Variants in RNF144A observed in about 807,000 individuals in gnomAD.
RNF144A encodes the protein E3 ubiquitin-protein ligase RNF144A.
A neutral mutation model predicts 38.7 loss-of-function variants in RNF144A; 11 were observed. That is an observed-to-expected ratio of 0.28 (90% CI 0.18 to 0.47). The LOEUF (loss-of-function observed/expected upper bound fraction) is 0.47. Ranked by LOEUF, RNF144A falls within the 20% of genes least tolerant of loss-of-function variation. The pLI is 0.99. For missense variants in RNF144A, 316 were observed against 377.2 expected, an observed-to-expected ratio of 0.84 and a Z score of 1.34; for synonymous variants, 149 against 143.9, an observed-to-expected ratio of 1.04 and a Z score of -0.25.
At chr2:7,011,972 C>T (rs189792761) in intron 3 of RNF144A, among the ~76,000 whole-genome samples, 1 of 152,316 alleles carries the variant, frequency 6.6e-6, no homozygotes, top group Non-Finnish European at 1.5e-5. Flanking sequence ...GAAACCCAGA[C>T]ATGACTCACT....
intron 3 of RNF144A, among the ~76,000 whole-genome samples, chr2:7,013,169 C>G (rs979083651): frequency 2.6e-5 from 4 of 152,188 alleles, no homozygotes; most frequent in African/African-American, 9.7e-5. Flanking sequence ...AGCATATACT[C>G]TTCTCTGTGT....
At chr2:7,029,907 C>A (rs1324325785) in intron 7 of RNF144A, among the ~76,000 whole-genome samples, 2 of 152,210 alleles carry the variant, frequency 1.3e-5, no homozygotes, top group Non-Finnish European at 2.9e-5. Flanking sequence ...CTGTGCTGTC[C>A]AGGGCTGCTA....
chr2:7,056,417 T>C (rs1673738835), intron 6 of RNF144A, among the ~76,000 whole-genome samples: 1 of 152,188 alleles, frequency 6.6e-6, no homozygotes, highest in African/African-American at 2.4e-5. Flanking sequence ...CTGCCACTTA[T>C]GACTGTTATA....
rs1451390082 is a variant in RNF144A, at chr2:6,919,471, T to C, written c.-212+1849T>C. The stretch of plus-strand genomic sequence containing the variant: ...GGTCAGAAGAGGATAAATCATGAAA[T>C]CTTTGAATTCTAGGCCAAGACTTTG... On this transcript the variant is annotated intron_variant, in intron 1 of 8. Transcript: ENST00000320892. Among the ~76,000 whole-genome samples, 4 of 152,266 alleles carry C rather than the reference T, an allele frequency of 2.6e-5. No homozygotes were observed. The East Asian group carries it at 7.7e-4, about 29-fold the overall frequency.
At chr2:7,074,204 C>T in the RNF144A span, among the ~76,000 whole-genome samples, 1 of 152,162 alleles carries the variant, frequency 6.6e-6, no homozygotes, top group Non-Finnish European at 1.5e-5. Flanking sequence ...AAACAAAAGT[C>T]AGTGGATTTC....
downstream of RNF144A, among the ~76,000 whole-genome samples, chr2:7,070,156 T>TTCTCTC (rs143933026): frequency 0.3 from 45,493 of 151,276 alleles, 7,506 homozygotes; most frequent in East Asian, 0.49. Context: ...GGAGCTTTTC[T>TTCTCTC]TCTCTCTCTC....
intron 6 of RNF144A, among the ~76,000 whole-genome samples, chr2:7,054,366 A>C (rs1673645368): frequency 6.6e-6 from 1 of 152,206 alleles, no homozygotes; most frequent in Non-Finnish European, 1.5e-5. Flanking sequence ...ATACACAGAG[A>C]TATATAATCA....
At chr2:6,976,675 T>C (rs1025447511) in intron 2 of RNF144A, among the ~76,000 whole-genome samples, 3 of 149,690 alleles carry the variant, frequency 2.0e-5, no homozygotes, top group African/African-American at 7.3e-5. Flanking sequence ...ATATAAACTT[T>C]ATATATAATA....
rs1673086090 is a variant in RNF144A, at chr2:7,042,192, G to T, written c.*2432G>T. ...TAAACTCGCATTTCCTTCTGTTTTAGTAAGGAGTGCCAGACTTATCTTTGA... is the reference window on the plus strand; with the variant it reads ...TAAACTCGCATTTCCTTCTGTTTTATTAAGGAGTGCCAGACTTATCTTTGA... On this transcript the variant is annotated 3_prime_UTR_variant, in exon 9 of 9. Coordinates refer to ENST00000320892, the MANE Select transcript of RNF144A (RefSeq NM_014746.6). 3 of 985,226 alleles carry T rather than the reference G, an allele frequency of 3.0e-6. No individual in the cohort carries two copies. Among genetic ancestry groups the T allele is most frequent in the South Asian group, 4.7e-5 (1 of 21,282 alleles). The allele number at this position is 985,226 out of a possible 1,614,324, so 61.0% of individuals were successfully genotyped here. A position where few individuals can be genotyped will look rare whatever the true frequency, so the allele number is the denominator to read the frequency against.
intron 3 of RNF144A, among the ~76,000 whole-genome samples, chr2:7,009,324 C>T (rs1021349542): frequency 1.3e-5 from 2 of 152,190 alleles, no homozygotes; most frequent in African/African-American, 4.8e-5. Flanking sequence ...GCTGAAGGGA[C>T]TTAGTCTTAG....
chr2:7,042,867 T>G lies in RNF144A; in HGVS notation c.*3107T>G. On this transcript the variant is annotated 3_prime_UTR_variant, in exon 9 of 9. Transcript: ENST00000320892. ...ACATCTGCCACCTCTGGCATTTTCTTTCTTTTTTTTTCTTTTTGAGACGGA... is the reference window on the plus strand; with the variant it reads ...ACATCTGCCACCTCTGGCATTTTCTGTCTTTTTTTTTCTTTTTGAGACGGA... The G allele has an allele frequency of 1.0e-6, 1 of 985,126 alleles. No individual in the cohort carries two copies. The highest frequency in any genetic ancestry group is 1.2e-6 in the Non-Finnish European group (1 of 829,664). 61.0% of individuals were successfully genotyped at this position (985,126 alleles called of 1,614,324 possible). A position where few individuals can be genotyped will look rare whatever the true frequency, so the allele number is the denominator to read the frequency against.
At chr2:6,980,598 C>T (rs1668569106) in intron 2 of RNF144A, among the ~76,000 whole-genome samples, 1 of 152,252 alleles carries the variant, frequency 6.6e-6, no homozygotes, top group Admixed American at 6.5e-5. Flanking sequence ...AGCTCTGCCT[C>T]TGTGGCTCTG....
At chr2:6,966,107 T>G (rs3821336) in intron 2 of RNF144A, among the ~76,000 whole-genome samples, 32,198 of 152,222 alleles carry the variant, frequency 0.21, 3,857 homozygotes, top group East Asian at 0.56. Flanking sequence ...GTGGTTTAAA[T>G]AGACTGTGTG....
At chr2:7,024,595 T>G in intron 7 of RNF144A, 79 bp downstream of exon 7, 4 of 1,497,360 alleles carry the variant, frequency 2.7e-6, no homozygotes, top group Non-Finnish European at 3.6e-6. Flanking sequence ...AGACCAGCTG[T>G]TTCCTAAAGA....
At chr2:7,009,110 T>C (rs978861936) in intron 3 of RNF144A, among the ~76,000 whole-genome samples, 2 of 152,132 alleles carry the variant, frequency 1.3e-5, no homozygotes, top group Non-Finnish European at 2.9e-5. Flanking sequence ...ACCCTCCACA[T>C]GGGTGACAGG....
At chr2:6,949,344 G>A (rs997465481) in intron 2 of RNF144A, among the ~76,000 whole-genome samples, 1 of 151,566 alleles carries the variant, frequency 6.6e-6, no homozygotes, top group East Asian at 1.9e-4. Flanking sequence ...TTTGAAGAAG[G>A]GGTTAGCCTG....
chr2:6,998,875 C>T (rs575875999), intron 3 of RNF144A, among the ~76,000 whole-genome samples: 3 of 151,618 alleles, frequency 2.0e-5, no homozygotes, highest in African/African-American at 7.3e-5. Context: ...GGCTCCCCCT[C>T]TGCCAAAAAT....
intron 2 of RNF144A, among the ~76,000 whole-genome samples, chr2:6,960,359 G>A (rs915892907): frequency 6.6e-6 from 1 of 152,174 alleles, no homozygotes; most frequent in African/African-American, 2.4e-5. Context: ...GAGCCCAGCT[G>A]AAGGTGGCTT....
chr2:7,022,787 T>C (rs1572422756), intron 6 of RNF144A, among the ~76,000 whole-genome samples: 1 of 152,252 alleles, frequency 6.6e-6, no homozygotes, highest in Non-Finnish European at 1.5e-5. Context: ...GAGCTGGCTC[T>C]GTGCTGGATC....
Sources: allele counts gnomAD v4.1 joint callset (sites outside exome capture counted in the v4.1 genomes callset), GRCh38; gene constraint gnomAD v4.1.1; transcripts MANE v1.5; gene names NCBI Gene and HGNC (gene_info 2026-07-23, HGNC 2026-07-21).